Variants in IL1RAPL1 observed in about 807,000 individuals in gnomAD.
IL1RAPL1 encodes interleukin-1 receptor accessory protein-like 1.
IL1RAPL1 carries 3 observed loss-of-function variants against 48.4 expected under a neutral mutation model. The ratio of observed to expected loss-of-function variants is 0.06; its 90% confidence interval spans 0.03 to 0.16. The LOEUF (loss-of-function observed/expected upper bound fraction) is 0.16. Among genes scored for constraint, IL1RAPL1 ranks in the 10% least tolerant of loss-of-function variants. The pLI is 1.00. For synonymous variants in IL1RAPL1, 185 were observed against 187.7 expected, an observed-to-expected ratio of 0.99 and a Z score of 0.12; for missense variants, 349 against 530.6, an observed-to-expected ratio of 0.66 and a Z score of 3.36.
At chrX:29,455,733 A>G (rs1409386065) in intron 5 of IL1RAPL1, among the ~76,000 whole-genome samples, 2 of 111,815 alleles carry the variant, frequency 1.8e-5, no homozygotes, top group African/African-American at 6.5e-5. Context: ...TTTATATTGC[A>G]TGGCATTTGT....
At chrX:29,350,175 T>C (rs1602187964) in intron 3 of IL1RAPL1, among the ~76,000 whole-genome samples, 1 of 75,829 alleles carries the variant, frequency 1.3e-5, no homozygotes, top group African/African-American at 6.2e-5. Context: ...CCTCCCTTGG[T>C]CTACATACTG....
intron 2 of IL1RAPL1, among the ~76,000 whole-genome samples, chrX:29,176,230 A>AC (rs1488780779): frequency 9.6e-6 from 1 of 103,697 alleles, no homozygotes; most frequent in African/African-American, 3.5e-5. Flanking sequence ...AGTAGCTGGG[A>AC]CCACAGGCGC....
intron 2 of IL1RAPL1, among the ~76,000 whole-genome samples, chrX:29,006,603 A>G (rs893264034): frequency 8.6e-5 from 9 of 104,999 alleles, no homozygotes; most frequent in Non-Finnish European, 1.4e-4. Context: ...TATCCGTTCC[A>G]TCCTTTAGCT....
intron 6 of IL1RAPL1, among the ~76,000 whole-genome samples, chrX:29,731,259 TGGA>T (rs898269450): frequency 8.9e-6 from 1 of 112,408 alleles, no homozygotes; most frequent in Non-Finnish European, 1.9e-5. Flanking sequence ...GCCTGGCTGA[TGGA>T]GGAGATTTCC....
intron 2 of IL1RAPL1, among the ~76,000 whole-genome samples, chrX:28,799,510 G>C (rs966732109): frequency 8.9e-6 from 1 of 112,267 alleles, no homozygotes; most frequent in Non-Finnish European, 1.9e-5. Context: ...GTATGATGGT[G>C]TTACACACAT....
chrX:29,439,786 A>ATATACTT (rs1266497362), intron 5 of IL1RAPL1, among the ~76,000 whole-genome samples: 2 of 108,755 alleles, frequency 1.8e-5, no homozygotes, highest in African/African-American at 3.4e-5. Context: ...ATGCTTCAGA[A>ATATACTT]TATACTTTAT....
At chrX:29,695,942 G>C (rs779476370) in intron 6 of IL1RAPL1, among the ~76,000 whole-genome samples, 1 of 111,767 alleles carries the variant, frequency 8.9e-6, no homozygotes, top group Non-Finnish European at 1.9e-5. Context: ...AGATGGCAAT[G>C]TATATTTTCA....
chrX:29,668,452 C>A lies in IL1RAPL1; in HGVS notation c.726C>A (p.Pro242=), dbSNP rs748193306. 1.5e-4 allele frequency: 182 copies of A among 1,207,599 alleles called. 1 individual carries two copies. The East Asian group carries it at 5.3e-3, about 35-fold the overall frequency. ...CAGCCCCTCTGACTGATAAGCCACC[C>A]AAGCTTTTGTATCCTATGGAAAGTA... ...TVTAPLTDKP[P]KLLYPMESKL... The change falls in exon 6 of 11, where the codon CCC becomes CCA. Residue 242 remains proline (P), a synonymous_variant. Transcript: ENST00000378993.
chrX:29,824,500 G>A (rs537787337), intron 6 of IL1RAPL1, among the ~76,000 whole-genome samples: 76 of 111,615 alleles, frequency 6.8e-4, no homozygotes, highest in South Asian at 5.3e-3. Flanking sequence ...GCTTGTGTCC[G>A]AGGGTAGAAT....
At chrX:29,869,185 C>T (rs370461347) in intron 6 of IL1RAPL1, among the ~76,000 whole-genome samples, 2 of 112,159 alleles carry the variant, frequency 1.8e-5, no homozygotes, top group East Asian at 2.8e-4. Flanking sequence ...TACATTTCAA[C>T]GTTTTAAAAC....
chrX:29,466,270 A>G (rs766102599), intron 5 of IL1RAPL1, among the ~76,000 whole-genome samples: 103 of 111,839 alleles, frequency 9.2e-4, no homozygotes, highest in Non-Finnish European at 1.6e-3. Flanking sequence ...CAGAACTAAG[A>G]TATTCTTATT....
intron 3 of IL1RAPL1, among the ~76,000 whole-genome samples, chrX:29,319,028 A>T (rs765194671): frequency 3.6e-5 from 4 of 111,424 alleles, no homozygotes; most frequent in Non-Finnish European, 7.5e-5. Flanking sequence ...TTGATATTTT[A>T]CTTTTTCCAC....
intron 1 of IL1RAPL1, among the ~76,000 whole-genome samples, chrX:28,788,345 T>C (rs1226171018): frequency 8.9e-6 from 1 of 112,185 alleles, no homozygotes; most frequent in Non-Finnish European, 1.9e-5. Context: ...GTTTATTTAA[T>C]TTCAAATGAA....
In IL1RAPL1 at chrX:28,863,568, GTTA is replaced by G. The variant is rs1213408138; in HGVS notation, c.82+74146_82+74148del. On this transcript the variant is annotated intron_variant, in intron 2 of 10. Coordinates refer to ENST00000378993, the MANE Select transcript of IL1RAPL1 (RefSeq NM_014271.4). ...TGCATGTAGTGAATGCTGTAAATGT[GTTA>G]TTTATTATAATAACTGTTAGAGAAA... Among the ~76,000 whole-genome samples, 6 of 111,192 alleles carry G rather than the reference GTTA, an allele frequency of 5.4e-5. No homozygotes were observed. In the South Asian group the frequency reaches 2.3e-3, roughly 42 times the overall value.
intron 8 of IL1RAPL1, among the ~76,000 whole-genome samples, chrX:29,932,259 G>A (rs989997328): frequency 1.8e-5 from 2 of 111,936 alleles, no homozygotes; most frequent in African/African-American, 3.2e-5. Flanking sequence ...ATAATCTAAA[G>A]GGGAAAGGTT....
chrX:28,644,134 A>G (rs1457467384), intron 1 of IL1RAPL1, among the ~76,000 whole-genome samples: 1 of 111,407 alleles, frequency 9.0e-6, no homozygotes, highest in Non-Finnish European at 1.9e-5. Flanking sequence ...TATATATATA[A>G]TATACTCTTC....
chrX:29,739,720 T>G (rs1052423128), intron 6 of IL1RAPL1, among the ~76,000 whole-genome samples: 5 of 111,322 alleles, frequency 4.5e-5, no homozygotes, highest in African/African-American at 1.6e-4. Flanking sequence ...TTAGAGTACC[T>G]TGCTCTTCAC....
intron 3 of IL1RAPL1, among the ~76,000 whole-genome samples, chrX:29,378,045 T>G (rs7056686): frequency 1.5e-3 from 148 of 98,634 alleles, no homozygotes; most frequent in African/African-American, 5.0e-3. Flanking sequence ...TTCTTTGAGG[T>G]TTTTTTTTTT....
chrX:28,758,196 C>T (rs1936126205), intron 1 of IL1RAPL1, among the ~76,000 whole-genome samples: 1 of 111,965 alleles, frequency 8.9e-6, no homozygotes, highest in African/African-American at 3.2e-5. Flanking sequence ...AGATGATTGG[C>T]TTTGGATAAG....
Sources: allele counts gnomAD v4.1 joint callset (sites outside exome capture counted in the v4.1 genomes callset), GRCh38; gene constraint gnomAD v4.1.1; transcripts MANE v1.5; gene names NCBI Gene and HGNC (gene_info 2026-07-23, HGNC 2026-07-21).